NID2: variants seen among roughly 807,000 people sequenced by gnomAD.
NID2 encodes the protein nidogen-2.
In NID2, 83 loss-of-function variants were observed where a neutral mutation model predicts 145.4. That is an observed-to-expected ratio of 0.57 (90% CI 0.48 to 0.69). NID2 has a LOEUF of 0.69. Among genes scored for constraint, NID2 ranks in the 30% least tolerant of loss-of-function variants. The pLI is 0.00. For synonymous variants in NID2, 739 were observed against 701.3 expected (o/e 1.05, Z -0.85); for missense variants, 1,807 against 1,765.7 (o/e 1.02, Z -0.42).
intron 2 of NID2, among the ~76,000 whole-genome samples, chr14:52,066,864 G>A (rs889897308): frequency 5.3e-5 from 8 of 152,306 alleles, no homozygotes; most frequent in Admixed American, 6.5e-5. Flanking sequence ...TACCAAGCAC[G>A]CTGGCCCCAC....
intron 1 of NID2, among the ~76,000 whole-genome samples, chr14:52,068,401 C>T (rs73292114): frequency 6.6e-6 from 1 of 152,336 alleles, no homozygotes; most frequent in African/African-American, 2.4e-5. Context: ...CTCACAACCC[C>T]GGAGCCCCAT....
chr14:52,060,240 G>C lies in NID2; in HGVS notation c.651C>G (p.Val217=). ...CCACCCGAGCTGGAAGCTGAAGCTG[G>C]ACATTGTAAGACTCTTTGGGGCGGG... ...LGTRPKESYN[V]QLQLPARVGF... Residue 217 remains valine (V), a synonymous_variant, in exon 3 of 22, where the codon GTC becomes GTG. Coordinates refer to ENST00000216286, the MANE Select transcript of NID2 (RefSeq NM_007361.4). The C allele has an allele frequency of 6.2e-7, 1 of 1,613,968 alleles. No individual in the cohort carries two copies. The highest frequency in any genetic ancestry group is 8.5e-7 in the Non-Finnish European group (1 of 1,179,994).
chr14:52,035,660 T>G (rs1041571802), intron 9 of NID2, among the ~76,000 whole-genome samples: 18 of 150,876 alleles, frequency 1.2e-4, no homozygotes, highest in Admixed American at 1.2e-3. Context: ...AGAGTTTTGT[T>G]TCTACTACTA....
intron 15 of NID2, 90 bp downstream of exon 15, chr14:52,014,964 C>G: frequency 9.5e-7 from 1 of 1,055,618 alleles, no homozygotes; most frequent in Non-Finnish European, 1.4e-6. Context: ...CTGGTGACCC[C>G]ACATGTCCCC....
chr14:52,056,621 C>A (rs559721877), intron 3 of NID2, among the ~76,000 whole-genome samples: 3 of 152,056 alleles, frequency 2.0e-5, no homozygotes, highest in African/African-American at 4.8e-5. Flanking sequence ...CATGGTGAAA[C>A]CCCACTATAA....
chr14:52,069,009 G>T lies in NID2; in HGVS notation c.-15C>A. ...TCCCCCTCCATGCTCGCTCGGCCGT[G>T]CGCTTACCCGCTGCACAACGCGTCC... On this transcript the variant is annotated 5_prime_UTR_variant, in exon 1 of 22. Transcript: ENST00000216286. 1 of 1,586,070 alleles carries T rather than the reference G, an allele frequency of 6.3e-7. No individual in the cohort carries two copies. Among genetic ancestry groups the T allele is most frequent in the Non-Finnish European group, 8.6e-7 (1 of 1,161,604 alleles).
At chr14:52,043,001 A>G (rs2140404492) in intron 5 of NID2, 70 bp from the exon 6 acceptor site, 2 of 1,457,684 alleles carry the variant, frequency 1.4e-6, no homozygotes, top group South Asian at 2.4e-5. Context: ...TCGGGGACAC[A>G]ACATCTGCTC....
chr14:52,049,257 T>G (rs960462113), intron 5 of NID2, among the ~76,000 whole-genome samples: 3 of 152,114 alleles, frequency 2.0e-5, no homozygotes, highest in Admixed American at 6.5e-5. Context: ...TGGGGAGATA[T>G]CAGAGGAAAG....
chr14:52,028,666 G>C, intron 11 of NID2, 56 bp downstream of exon 11: 1 of 1,583,080 alleles, frequency 6.3e-7, no homozygotes, highest in Non-Finnish European at 8.6e-7. Flanking sequence ...ACAGATTAAA[G>C]AGCAAGATTA....
At chr14:52,038,646 C>A in intron 9 of NID2, 101 bp downstream of exon 9, 1 of 893,492 alleles carries the variant, frequency 1.1e-6, no homozygotes, top group South Asian at 1.9e-5. Flanking sequence ...TAGCACATAA[C>A]ACAGCATGGC....
intron 8 of NID2, among the ~76,000 whole-genome samples, 194 bp downstream of exon 8, chr14:52,040,457 T>C (rs1414751048): frequency 3.9e-5 from 6 of 152,238 alleles, no homozygotes; most frequent in Admixed American, 2.6e-4. Context: ...TAGATATTCT[T>C]ATGTATAGCA....
At position 52,038,858 on chromosome 14, in the gene NID2, G is replaced by T. The variant is rs761340319; in HGVS notation, c.2146C>A (p.Pro716Thr). 2.5e-6 allele frequency: 4 copies of T among 1,613,984 alleles called. No individual in the cohort carries two copies. The highest frequency in any genetic ancestry group is 3.4e-6 in the Non-Finnish European group (4 of 1,180,010). ...YQVCRHAPRHPSFPTTQQLNV... is the reference protein window; with the variant it reads ...YQVCRHAPRHTSFPTTQQLNV... ...AGCTGCTGGGTGGTGGGGAAGGACG[G>T]GTGTCTGGGGGCGTGCCTGCACACC... The change falls in exon 9 of 22, where the codon CCG becomes ACG. Residue 716 changes from proline (P) to threonine (T), a missense_variant. Coordinates refer to ENST00000216286, the MANE Select transcript of NID2 (RefSeq NM_007361.4).
intron 9 of NID2, among the ~76,000 whole-genome samples, chr14:52,030,348 T>C (rs926427024): frequency 1.3e-5 from 2 of 151,804 alleles, no homozygotes; most frequent in Non-Finnish European, 2.9e-5. Context: ...CCTAGAGAAA[T>C]CTATTTTGGC....
intron 9 of NID2, among the ~76,000 whole-genome samples, chr14:52,031,519 A>G (rs1409558410): frequency 6.6e-6 from 1 of 152,152 alleles, no homozygotes. Context: ...TCTCTGCTAC[A>G]AAGGGAGATC....
In NID2 at chr14:52,011,698, T is replaced by A. The variant is rs762906612; in HGVS notation, c.3421-15A>T. 6.2e-7 allele frequency: 1 copy of A among 1,613,858 alleles called. No homozygotes were observed. Among genetic ancestry groups the A allele is most frequent in the African/African-American group, 1.3e-5 (1 of 74,928 alleles). ...ATTATGGAGCCCTTTGTGCATCAAA[T>A]CATAGAATTAGAAGAATTAGGTTAC... On this transcript the variant is annotated splice_polypyrimidine_tract_variant and intron_variant, in intron 16 of 21. Transcript: ENST00000216286.
At chr14:52,013,903 A>G (rs6572807) in intron 16 of NID2, among the ~76,000 whole-genome samples, 41,744 of 152,144 alleles carry the variant, frequency 0.27, 5,900 homozygotes, top group African/African-American at 0.35. Flanking sequence ...CCTTGTGACT[A>G]GTTGTCCTGT....
intron 5 of NID2, among the ~76,000 whole-genome samples, chr14:52,043,690 T>G (rs544951367): frequency 1.9e-4 from 29 of 152,336 alleles, no homozygotes; most frequent in Non-Finnish European, 3.2e-4. Context: ...TCCTACTTAT[T>G]CTGCCCATTA....
chr14:52,067,825 T>C lies in NID2; in HGVS notation c.534+33A>G, dbSNP rs370590625. 33 of 1,609,210 alleles carry C rather than the reference T, an allele frequency of 2.1e-5. No individual in the cohort carries two copies. In the African/African-American group the frequency reaches 3.9e-4, roughly 19 times the overall value. On this transcript the variant is annotated intron_variant, in intron 2 of 21. Transcript: ENST00000216286. ...CCAGAATTTAAGCCCATCCTTCAAT[T>C]TCCTCAGCAGTCAAATATCCCTGGT...
intron 3 of NID2, among the ~76,000 whole-genome samples, chr14:52,057,424 C>T (rs751914008): frequency 6.6e-5 from 10 of 151,992 alleles, no homozygotes; most frequent in Admixed American, 1.3e-4. Context: ...TTAAACAGGC[C>T]GGGTATGGTG....
Sources: gnomAD v4.1 joint callset for allele counts (sites outside exome capture counted in the v4.1 genomes callset) on GRCh38, gnomAD v4.1.1 for gene constraint, MANE v1.5 for transcripts, NCBI Gene and HGNC (gene_info 2026-07-23, HGNC 2026-07-21) for gene names.